The following INPP5A variants were observed in gnomAD, a reference collection of about 807,000 sequenced individuals.
INPP5A encodes the protein 43 kDa inositol polyphosphate 5-phophatase.
A neutral mutation model predicts 65.2 loss-of-function variants in INPP5A; 14 were observed. The ratio of observed to expected loss-of-function variants is 0.21; its 90% CI spans 0.14 to 0.34. The LOEUF (loss-of-function observed/expected upper bound fraction) is 0.34. INPP5A is among the 10% of genes least tolerant of loss of function. INPP5A has a pLI of 1.00. For synonymous variants in INPP5A, 207 were observed against 208.3 expected (o/e 0.99, Z 0.05); for missense variants, 431 against 545.6 (o/e 0.79, Z 2.09).
rs1039590576 is a variant in INPP5A at position 132,547,909 on chromosome 10, T to A, written c.75+9738T>A. ...GTGGGGACCATGGTGTCTTTTTTAA[T>A]TTTTTTTTTTTTAAGATGGACACTC... On this transcript the variant is annotated intron_variant, in intron 1 of 15. Coordinates refer to ENST00000368594, the MANE Select transcript of INPP5A (RefSeq NM_005539.5). This position sits in a 1 kb window ranked among gnomAD's most constrained non-coding sequence, Gnocchi z 5.5. Among the ~76,000 whole-genome samples the A allele has an allele frequency of 2.1e-5, 3 of 142,470 alleles. No homozygotes were observed. The highest frequency in any genetic ancestry group is 5.4e-5 in the African/African-American group (2 of 37,026). The allele number at this position is 142,470 out of a possible 152,430, so 93.5% of individuals were successfully genotyped here. A position where few individuals can be genotyped will look rare whatever the true frequency, so the allele number is the denominator to read the frequency against.
At chr10:132,541,375 T>G (rs1167872831) in intron 1 of INPP5A, among the ~76,000 whole-genome samples, 2 of 152,306 alleles carry the variant, frequency 1.3e-5, no homozygotes, top group East Asian at 3.9e-4. Context: ...AGCCCCTGTT[T>G]GCTCATCACT....
chr10:132,587,284 G>C lies in INPP5A; in HGVS notation c.76-20631G>C, dbSNP rs1023581986. On this transcript the variant is annotated intron_variant, in intron 1 of 15. Transcript: ENST00000368594. This position sits in a 1 kb window ranked among gnomAD's most constrained non-coding sequence, Gnocchi z 4.3. The stretch of plus-strand genomic sequence containing the variant: ...TGTTACCTGCTGGCAGCAGGAGTGA[G>C]GGCCGTGTCTGGGCAGGAGGGGCTG... Among the ~76,000 whole-genome samples the C allele has an allele frequency of 6.6e-5, 10 of 152,184 alleles. No homozygotes were observed. Among genetic ancestry groups the C allele is most frequent in the Non-Finnish European group, 1.5e-4 (10 of 68,038 alleles).
chr10:132,627,709 G>T lies in INPP5A; in HGVS notation c.118-18159G>T. Among the ~76,000 whole-genome samples, 1 of 152,208 alleles carries T rather than the reference G, an allele frequency of 6.6e-6. No individual in the cohort carries two copies. Among genetic ancestry groups the T allele is most frequent in the East Asian group, 1.9e-4 (1 of 5,194 alleles). On this transcript the variant is annotated intron_variant, in intron 2 of 15. Transcript: ENST00000368594. This position sits in a 1 kb window ranked among gnomAD's most constrained non-coding sequence, Gnocchi z 6.6. ...GAGATGGCTGGGATTATAGTGAGAG[G>T]CGAGACAGGGGATGCAGACGGGTAG...
chr10:132,757,675 A>G (rs1418844871), intron 11 of INPP5A, among the ~76,000 whole-genome samples: 32 of 152,250 alleles, frequency 2.1e-4, no homozygotes, highest in Admixed American at 2.1e-3. Flanking sequence ...GGGCTGGACC[A>G]CAGCGGAGCA....
intron 12 of INPP5A, among the ~76,000 whole-genome samples, chr10:132,775,127 G>C (rs185278519): frequency 1.2e-4 from 6 of 48,026 alleles, no homozygotes; most frequent in African/African-American, 2.1e-4. Flanking sequence ...GCAGGGAGGA[G>C]GGGCAGGGAG....
At chr10:132,629,390 G>T (rs1345728602) in intron 2 of INPP5A, among the ~76,000 whole-genome samples, 1 of 152,224 alleles carries the variant, frequency 6.6e-6, no homozygotes, top group Non-Finnish European at 1.5e-5. Flanking sequence ...CCCTGCAGCT[G>T]TTCAGTGTCT....
At chr10:132,708,630 G>A in intron 7 of INPP5A, 1 of 561,274 alleles carries the variant, frequency 1.8e-6, no homozygotes, top group Non-Finnish European at 3.4e-6. Flanking sequence ...CCCCGCAGCT[G>A]GAGAGTTCCG....
At chr10:132,715,544 G>T (rs949115784) in intron 8 of INPP5A, among the ~76,000 whole-genome samples, 11 of 152,148 alleles carry the variant, frequency 7.2e-5, no homozygotes, top group Non-Finnish European at 1.5e-4. Flanking sequence ...CCGCGCCCCA[G>T]CCCCGCTTTG....
intron 8 of INPP5A, among the ~76,000 whole-genome samples, chr10:132,723,325 C>T (rs1045166455): frequency 6.6e-6 from 1 of 152,190 alleles, no homozygotes; most frequent in African/African-American, 2.4e-5. Context: ...CGCATTTCCT[C>T]TCTCTCCGCA....
intron 8 of INPP5A, among the ~76,000 whole-genome samples, chr10:132,712,609 TGG>T (rs1845662992): frequency 6.6e-6 from 1 of 150,906 alleles, no homozygotes; most frequent in Non-Finnish European, 1.5e-5. Flanking sequence ...CGCGGGTGTG[TGG>T]GTGCATGTGT....
intron 3 of INPP5A, among the ~76,000 whole-genome samples, chr10:132,648,224 C>T (rs745760156): frequency 4.6e-5 from 7 of 152,242 alleles, no homozygotes; most frequent in African/African-American, 1.7e-4. Context: ...CGGAGGACGC[C>T]GCCCTCACAG....
At chr10:132,695,575 A>G (rs922034119) in intron 5 of INPP5A, among the ~76,000 whole-genome samples, 2 of 152,236 alleles carry the variant, frequency 1.3e-5, no homozygotes, top group Non-Finnish European at 2.9e-5. Flanking sequence ...CTCAGATGAT[A>G]TGATTATGTC....
rs754210888 is a variant in INPP5A at position 132,546,030 on chromosome 10, C to T, written c.75+7859C>T. On this transcript the variant is annotated intron_variant, in intron 1 of 15. Transcript: ENST00000368594. The surrounding 1 kb of genome is among the most constrained non-coding windows in gnomAD (Gnocchi z 5.7). ...GCGTCCACCAGGTCCTGCTTGTGTA[C>T]GGGGGCCGGCAGCACCGTTGTGTTG... Among the ~76,000 whole-genome samples the T allele has an allele frequency of 9.2e-5, 14 of 152,162 alleles. No homozygotes were observed. The highest frequency in any genetic ancestry group is 1.6e-4 in the Non-Finnish European group (11 of 68,032).
intron 4 of INPP5A, among the ~76,000 whole-genome samples, chr10:132,658,855 C>T (rs537224738): frequency 3.3e-5 from 5 of 152,226 alleles, no homozygotes; most frequent in East Asian, 3.9e-4. Flanking sequence ...CCAAGGCCGC[C>T]GGCTGCTCCC....
At chr10:132,558,155 G>T (rs559357060) in intron 1 of INPP5A, among the ~76,000 whole-genome samples, 12 of 152,336 alleles carry the variant, frequency 7.9e-5, no homozygotes, top group African/African-American at 2.6e-4. Flanking sequence ...GTACCTGGAG[G>T]TGTCAGCAGG....
At chr10:132,681,302 C>G (rs1380241049) in intron 4 of INPP5A, among the ~76,000 whole-genome samples, 1 of 152,142 alleles carries the variant, frequency 6.6e-6, no homozygotes, top group Non-Finnish European at 1.5e-5. Flanking sequence ...CCCTTCCACA[C>G]TGTGGAAGCT....
At chr10:132,773,874 C>A (rs550244504) in intron 12 of INPP5A, among the ~76,000 whole-genome samples, 1 of 152,224 alleles carries the variant, frequency 6.6e-6, no homozygotes, top group African/African-American at 2.4e-5. Context: ...GATTTTCCCC[C>A]CTCAGCCTCC....
Position 132,659,460 on chromosome 10 carries a change from C to T in INPP5A, c.306+8955C>T, listed in dbSNP as rs1053940220. Among the ~76,000 whole-genome samples, 9 of 152,294 alleles carry T rather than the reference C, an allele frequency of 5.9e-5. No individual in the cohort carries two copies. The highest frequency in any genetic ancestry group is 1.9e-4 in the East Asian group (1 of 5,180). On this transcript the variant is annotated intron_variant, in intron 4 of 15. Coordinates refer to ENST00000368594, the MANE Select transcript of INPP5A (RefSeq NM_005539.5). The surrounding 1 kb of genome is among the most constrained non-coding windows in gnomAD (Gnocchi z 5.5). ...TCCCTGTGGGGTGCATCCACGGACG[C>T]GGGTCTGGAGGCGCTGCTGTCTAAG...
At chr10:132,648,695 C>T (rs752293866) in intron 3 of INPP5A, among the ~76,000 whole-genome samples, 20 of 152,160 alleles carry the variant, frequency 1.3e-4, no homozygotes, top group Non-Finnish European at 1.8e-4. Context: ...TTAATGATAT[C>T]GCCCCATTGT....
Sources: allele counts gnomAD v4.1 joint callset (sites outside exome capture counted in the v4.1 genomes callset), GRCh38; gene constraint gnomAD v4.1.1; non-coding constraint Gnocchi (gnomAD v3.1); transcripts MANE v1.5; gene names NCBI Gene and HGNC (gene_info 2026-07-23, HGNC 2026-07-21).